LINGO2: variants seen among roughly 807,000 people sequenced by gnomAD.
LINGO2 encodes leucine rich repeat and Ig domain containing 2, also known as leucine-rich repeat and immunoglobulin-like domain-containing nogo receptor-interacting protein 2.
A neutral mutation model predicts 30.6 loss-of-function variants in LINGO2; 14 were observed. The ratio of observed to expected loss-of-function variants is 0.46; its 90% CI spans 0.30 to 0.72. The LOEUF is 0.72. Among genes scored for constraint, LINGO2 ranks in the 30% least tolerant of loss-of-function variants. The pLI is 0.07. For missense variants in LINGO2, 729 were observed against 751.7 expected (o/e 0.97, Z 0.35); for synonymous variants, 317 against 288.5 (o/e 1.10, Z -1.00).
At chr9:28,905,391 A>G in the LINGO2 span, among the ~76,000 whole-genome samples, 1 of 151,948 alleles carries the variant, frequency 6.6e-6, no homozygotes, top group African/African-American at 2.4e-5. Context: ...TTTGCAAACT[A>G]TACTCTGATA....
At chr9:27,963,526 G>C (rs1192399186) in intron 5 of LINGO2, among the ~76,000 whole-genome samples, 1 of 152,042 alleles carries the variant, frequency 6.6e-6, no homozygotes, top group Non-Finnish European at 1.5e-5. Flanking sequence ...TGCTTTGATG[G>C]ATAAGGTAAT....
chr9:28,262,590 T>G (rs1036501662), intron 4 of LINGO2, among the ~76,000 whole-genome samples: 3 of 152,020 alleles, frequency 2.0e-5, no homozygotes, highest in Non-Finnish European at 2.9e-5. Context: ...TCAGTTTAAG[T>G]TAACACAGTA....
intron 5 of LINGO2, among the ~76,000 whole-genome samples, chr9:27,987,111 T>TA (rs1821161448): frequency 6.6e-6 from 1 of 151,806 alleles, no homozygotes; most frequent in African/African-American, 2.4e-5. Context: ...TAAATGAAGC[T>TA]AAAAAACCAA....
intron 5 of LINGO2, among the ~76,000 whole-genome samples, chr9:28,005,127 C>A (rs1401276239): frequency 6.6e-6 from 1 of 152,178 alleles, no homozygotes; most frequent in Non-Finnish European, 1.5e-5. Flanking sequence ...AACTAGCTTT[C>A]CCAGTAACAC....
intron 5 of LINGO2, among the ~76,000 whole-genome samples, chr9:27,985,500 A>G (rs1174638701): frequency 6.6e-6 from 1 of 151,900 alleles, no homozygotes; most frequent in Non-Finnish European, 1.5e-5. Context: ...GAGTAAATTA[A>G]TAATACCAAG....
intron 3 of LINGO2, among the ~76,000 whole-genome samples, chr9:28,342,820 G>C (rs755410153): frequency 6.6e-6 from 1 of 152,050 alleles, no homozygotes; most frequent in Non-Finnish European, 1.5e-5. Context: ...GGAATGACCA[G>C]AATGAAGACA....
the LINGO2 span, among the ~76,000 whole-genome samples, chr9:28,950,453 T>C: frequency 2.6e-5 from 4 of 152,106 alleles, no homozygotes; most frequent in African/African-American, 9.7e-5. Flanking sequence ...GAAAGTCAAA[T>C]TGTCTCTGCT....
At chr9:27,960,207 G>C (rs1242598204) in intron 5 of LINGO2, among the ~76,000 whole-genome samples, 1 of 152,102 alleles carries the variant, frequency 6.6e-6, no homozygotes, top group Non-Finnish European at 1.5e-5. Flanking sequence ...AAAAAAACAA[G>C]CTGTTAAAAT....
chr9:28,752,942 G>A, the LINGO2 span, among the ~76,000 whole-genome samples: 1 of 151,962 alleles, frequency 6.6e-6, no homozygotes, highest in South Asian at 2.1e-4. Context: ...TTTGAAAAAG[G>A]TAACTGTGTC....
chr9:28,465,333 C>T (rs112438220), intron 2 of LINGO2, among the ~76,000 whole-genome samples: 1 of 152,216 alleles, frequency 6.6e-6, no homozygotes, highest in African/African-American at 2.4e-5. Context: ...CCTAACCATC[C>T]CCGGCTGAAC....
the LINGO2 span, among the ~76,000 whole-genome samples, chr9:28,878,687 C>A: frequency 9.9e-5 from 15 of 152,098 alleles, no homozygotes; most frequent in Admixed American, 3.3e-4. Context: ...GTTCAATATA[C>A]GCAAATCAAT....
the LINGO2 span, among the ~76,000 whole-genome samples, chr9:28,922,082 G>A: frequency 6.6e-6 from 1 of 152,002 alleles, no homozygotes; most frequent in Admixed American, 6.6e-5. Flanking sequence ...TGTATCTTAT[G>A]GTTTCCCTAT....
chr9:28,195,308 T>C (rs546262339), intron 4 of LINGO2, among the ~76,000 whole-genome samples: 2 of 151,346 alleles, frequency 1.3e-5, no homozygotes, highest in African/African-American at 2.4e-5. Flanking sequence ...TACCCTCATT[T>C]ATATTTTGCC....
At chr9:28,327,609 C>A (rs991864427) in intron 3 of LINGO2, among the ~76,000 whole-genome samples, 2 of 152,160 alleles carry the variant, frequency 1.3e-5, no homozygotes, top group African/African-American at 2.4e-5. Context: ...AATTTTATCT[C>A]AGAATTTTGT....
At chr9:27,972,323 A>C (rs944531901) in intron 5 of LINGO2, among the ~76,000 whole-genome samples, 1 of 152,062 alleles carries the variant, frequency 6.6e-6, no homozygotes, top group Non-Finnish European at 1.5e-5. Context: ...GATGTTAATT[A>C]GATAAAATTG....
chr9:28,733,063 A>G, the LINGO2 span, among the ~76,000 whole-genome samples: 1 of 152,212 alleles, frequency 6.6e-6, no homozygotes, highest in Non-Finnish European at 1.5e-5. Flanking sequence ...ATACTTTAAA[A>G]ACCTGTTAAT....
At chr9:28,038,859 T>A (rs1020380698) in intron 4 of LINGO2, among the ~76,000 whole-genome samples, 5 of 152,224 alleles carry the variant, frequency 3.3e-5, no homozygotes, top group Admixed American at 2.0e-4. Flanking sequence ...CAGCAATATT[T>A]TTAAAATTCT....
the LINGO2 span, among the ~76,000 whole-genome samples, chr9:29,107,137 C>A: frequency 2.0e-5 from 3 of 152,010 alleles, no homozygotes; most frequent in Non-Finnish European, 4.4e-5. Flanking sequence ...TAAAATTAAA[C>A]CCTGCTTTCA....
At chr9:28,817,257 G>A in the LINGO2 span, among the ~76,000 whole-genome samples, 2 of 152,066 alleles carry the variant, frequency 1.3e-5, no homozygotes, top group African/African-American at 2.4e-5. Flanking sequence ...AGGGGGATAG[G>A]TATACCCATT....
Sources: gnomAD v4.1 joint callset for allele counts (sites outside exome capture counted in the v4.1 genomes callset) on GRCh38, gnomAD v4.1.1 for gene constraint, MANE v1.5 for transcripts, NCBI Gene and HGNC (gene_info 2026-07-23, HGNC 2026-07-21) for gene names.